The following OSBPL9 variants were observed in gnomAD, a reference collection of about 807,000 sequenced individuals.
OSBPL9 encodes oxysterol binding protein like 9, also known as oxysterol-binding protein-related protein 9.
A neutral mutation model predicts 106.6 loss-of-function variants in OSBPL9; 40 were observed. The ratio of observed to expected loss-of-function variants is 0.38; its 90% CI spans 0.29 to 0.49. The LOEUF (loss-of-function observed/expected upper bound fraction) is 0.49. Among genes scored for constraint, OSBPL9 ranks in the 20% least tolerant of loss-of-function variants. The pLI is 0.97. For synonymous variants in OSBPL9, 269 were observed against 295.4 expected (o/e 0.91, Z 0.92); for missense variants, 609 against 887.2 (o/e 0.69, Z 3.98).
the OSBPL9 span, chr1:51,519,243 C>T: frequency 7.8e-7 from 1 of 1,290,230 alleles, no homozygotes; most frequent in Non-Finnish European, 1.0e-6. Flanking sequence ...GTGTTTCCAT[C>T]ATGCAAGGGA....
intron 1 of OSBPL9, among the ~76,000 whole-genome samples, chr1:51,580,701 T>C (rs1437621449): frequency 2.0e-5 from 3 of 151,678 alleles, no homozygotes; most frequent in Non-Finnish European, 4.4e-5. Context: ...CACAATCTAA[T>C]GGGAGAGGCA....
chr1:51,576,872 C>T (rs1006084123), upstream of OSBPL9, among the ~76,000 whole-genome samples: 1 of 152,090 alleles, frequency 6.6e-6, no homozygotes, highest in Non-Finnish European at 1.5e-5. Flanking sequence ...AAGTGGTAGA[C>T]CTGAGATTTG....
chr1:51,703,847 G>A (rs767781621), intron 3 of OSBPL9, among the ~76,000 whole-genome samples: 1 of 152,100 alleles, frequency 6.6e-6, no homozygotes, highest in Non-Finnish European at 1.5e-5. Context: ...TAGCATGAAG[G>A]GTTGTTGAAT....
chr1:51,692,426 A>G (rs951497219), intron 3 of OSBPL9, among the ~76,000 whole-genome samples: 2 of 152,224 alleles, frequency 1.3e-5, no homozygotes, highest in Admixed American at 1.3e-4. Flanking sequence ...ACATGTCTGT[A>G]CATGCCATAC....
At chr1:51,669,753 T>C in intron 3 of OSBPL9, 1 of 610,436 alleles carries the variant, frequency 1.6e-6, no homozygotes, top group Non-Finnish European at 3.1e-6. Flanking sequence ...TTTTAAAGGA[T>C]AAAAATCAGT....
In OSBPL9 at chr1:51,765,997, G is replaced by C; in HGVS notation, c.938+16G>C. ...GCTTAATAGAGTGAGTAGATGAACA[G>C]AATATGTATTTAAATGATTCTCCTG... On this transcript the variant is annotated intron_variant, in intron 12 of 23. Coordinates refer to ENST00000428468, the MANE Select transcript of OSBPL9 (RefSeq NM_024586.6). 1 of 1,577,238 alleles carries C rather than the reference G, an allele frequency of 6.3e-7. No homozygotes were observed.
chr1:51,732,682 C>T (rs1664727890), intron 4 of OSBPL9, among the ~76,000 whole-genome samples: 1 of 152,192 alleles, frequency 6.6e-6, no homozygotes, highest in South Asian at 2.1e-4. Context: ...TGGTCTCTCA[C>T]CTAGACTTTT....
chr1:51,772,797 A>C, intron 14 of OSBPL9, 74 bp downstream of exon 14: 2 of 960,016 alleles, frequency 2.1e-6, no homozygotes, highest in Admixed American at 3.5e-5. Context: ...GTGTGCCTGC[A>C]AATGTAGTAA....
intron 4 of OSBPL9, among the ~76,000 whole-genome samples, chr1:51,739,248 T>G (rs1022302217): frequency 2.6e-5 from 4 of 152,064 alleles, no homozygotes; most frequent in Admixed American, 2.6e-4. Flanking sequence ...GATATCCCAA[T>G]TGAAAAAAAA....
chr1:51,759,479 T>C (rs908415958), intron 9 of OSBPL9: 4 of 152,212 alleles, frequency 2.6e-5, no homozygotes, highest in East Asian at 3.8e-4. Context: ...TTTGGGCTTA[T>C]TTATTGGCAA....
rs931333754 is a variant in OSBPL9 at position 51,651,335 on chromosome 1, A to T, written c.112-656A>T. Among the ~76,000 whole-genome samples the T allele has an allele frequency of 2.8e-4, 42 of 151,984 alleles. 1 individual carries two copies. The highest frequency in any genetic ancestry group is 9.4e-4 in the African/African-American group (39 of 41,468). On this transcript the variant is annotated intron_variant, in intron 1 of 23. Transcript: ENST00000428468. ...TATCTGGGGGCAGCTGGGTGCGGTG[A>T]CTCACGCCTGTAATCACAGCACTTT...
rs1674622049 is a variant in OSBPL9, at chr1:51,774,477, TTG to T, written c.1170+1758_1170+1759del. 3.3e-5 allele frequency among the ~76,000 whole-genome samples: 5 copies of T among 152,348 alleles called. 1 individual carries two copies. The South Asian group carries it at 1.0e-3, about 32-fold the overall frequency. ...GTATTGTTACAATAATGCCTTAAAT[TTG>T]TGTCTTTTATAAGAATGTTTTCTCA... On this transcript the variant is annotated intron_variant, in intron 14 of 23. Coordinates refer to ENST00000428468, the MANE Select transcript of OSBPL9 (RefSeq NM_024586.6).
chr1:51,612,701 G>A (rs941378137), upstream of OSBPL9, among the ~76,000 whole-genome samples: 2 of 152,208 alleles, frequency 1.3e-5, no homozygotes, highest in African/African-American at 4.8e-5. Context: ...CTGATGCCTG[G>A]TGACCCTGAT....
At chr1:51,602,060 AC>A (rs1219283787) in intron 2 of OSBPL9, among the ~76,000 whole-genome samples, 2 of 100,426 alleles carry the variant, frequency 2.0e-5, no homozygotes, top group East Asian at 6.9e-4. Context: ...TCACTCTTTC[AC>A]CCAGGTAGGA....
At chr1:51,539,628 A>G in the OSBPL9 span, among the ~76,000 whole-genome samples, 1 of 152,156 alleles carries the variant, frequency 6.6e-6, no homozygotes, top group Admixed American at 6.5e-5. Flanking sequence ...CTATACAACA[A>G]CTCCATGAAG....
At chr1:51,668,331 A>G (rs1415694466) in intron 2 of OSBPL9, among the ~76,000 whole-genome samples, 1 of 152,172 alleles carries the variant, frequency 6.6e-6, no homozygotes, top group East Asian at 1.9e-4. Flanking sequence ...TTGAATATTA[A>G]GAAAAGGGGG....
intron 10 of OSBPL9, 82 bp from the exon 11 acceptor site, chr1:51,761,785 T>A: frequency 9.1e-7 from 1 of 1,100,060 alleles, no homozygotes; most frequent in Non-Finnish European, 1.4e-6. Context: ...GCCTTTAGGA[T>A]TTTGAATCCC....
intron 3 of OSBPL9, among the ~76,000 whole-genome samples, chr1:51,710,623 T>C (rs1278320050): frequency 2.0e-5 from 3 of 152,214 alleles, no homozygotes; most frequent in African/African-American, 7.2e-5. Flanking sequence ...TCTTAATTCA[T>C]AAAGGATATA....
intron 3 of OSBPL9, among the ~76,000 whole-genome samples, chr1:51,710,691 A>T (rs1210346537): frequency 6.6e-6 from 1 of 152,184 alleles, no homozygotes; most frequent in Non-Finnish European, 1.5e-5. Context: ...GTCGTACTCT[A>T]TTGTCTCCTG....
Sources: allele counts gnomAD v4.1 joint callset (sites outside exome capture counted in the v4.1 genomes callset), GRCh38; gene constraint gnomAD v4.1.1; transcripts MANE v1.5; gene names NCBI Gene and HGNC (gene_info 2026-07-23, HGNC 2026-07-21).